DPYSL2: variants seen among roughly 807,000 people sequenced by gnomAD.
DPYSL2 encodes the protein dihydropyrimidinase like 2, also known as dihydropyrimidinase-related protein 2.
A neutral mutation model predicts 69.9 loss-of-function variants in DPYSL2; 13 were observed. The ratio of observed to expected loss-of-function variants is 0.19; its 90% CI spans 0.12 to 0.30. The LOEUF (loss-of-function observed/expected upper bound fraction) is 0.30, where lower values mean the gene tolerates loss of function less well. Among genes scored for constraint, DPYSL2 ranks in the 10% least tolerant of loss-of-function variants. The pLI is 1.00. For synonymous variants in DPYSL2, 326 were observed against 359.1 expected (o/e 0.91, Z 1.04); for missense variants, 587 against 918.9 (o/e 0.64, Z 4.67).
At chr8:26,523,572 T>C (rs1325705880) in intron 1 of DPYSL2, among the ~76,000 whole-genome samples, 6 of 152,334 alleles carry the variant, frequency 3.9e-5, no homozygotes, top group South Asian at 4.1e-4. Context: ...AAAGAGTATG[T>C]GTCTTTTTTT....
intron 1 of DPYSL2, among the ~76,000 whole-genome samples, chr8:26,537,598 A>T (rs898805607): frequency 1.4e-5 from 2 of 140,464 alleles, no homozygotes; most frequent in Admixed American, 1.4e-4. Flanking sequence ...TGACCTTACT[A>T]TCATTCTCTC....
chr8:26,615,698 T>C (rs1026626755), intron 3 of DPYSL2, among the ~76,000 whole-genome samples: 1 of 152,192 alleles, frequency 6.6e-6, no homozygotes, highest in African/African-American at 2.4e-5. Context: ...GTGCCTCTTA[T>C]AGCTTACAAA....
chr8:26,562,546 A>G lies in DPYSL2; in HGVS notation c.355-19423A>G, dbSNP rs1801090014. On this transcript the variant is annotated intron_variant, in intron 1 of 13. Coordinates refer to ENST00000521913, the MANE Select transcript of DPYSL2 (RefSeq NM_001197293.3). This position sits in a 1 kb window ranked among gnomAD's most constrained non-coding sequence, Gnocchi z 4.9. ...TATTGGTCAGATTTTGTTGTTCCCGATTAGAATGCTTAAATGGTTTCGTTT... is the reference window on the plus strand; with the variant it reads ...TATTGGTCAGATTTTGTTGTTCCCGGTTAGAATGCTTAAATGGTTTCGTTT... Among the ~76,000 whole-genome samples, 1 of 152,164 alleles carries G rather than the reference A, an allele frequency of 6.6e-6. No individual in the cohort carries two copies. The highest frequency in any genetic ancestry group is 6.5e-5 in the Admixed American group (1 of 15,278).
In DPYSL2 at chr8:26,653,147, A is replaced by G; in HGVS notation, c.1777-85A>G. 1 of 1,484,372 alleles carries G rather than the reference A, an allele frequency of 6.7e-7. No homozygotes were observed. Among genetic ancestry groups the G allele is most frequent in the Non-Finnish European group, 9.1e-7 (1 of 1,096,774 alleles). The allele number at this position is 1,484,372 out of a possible 1,614,324, so 92.0% of individuals were successfully genotyped here. A position where few individuals can be genotyped will look rare whatever the true frequency, so the allele number is the denominator to read the frequency against. ...AGAGCCCTCCATCCCTAGATCTCAC[A>G]GGCCCATCCTCCCTCCAGGAGGGTT... On this transcript the variant is annotated intron_variant, in intron 12 of 13. Transcript: ENST00000521913. The surrounding 1 kb of genome is among the most constrained non-coding windows in gnomAD (Gnocchi z 5.7).
chr8:26,595,086 G>T (rs1184656554), intron 3 of DPYSL2, among the ~76,000 whole-genome samples: 1 of 152,020 alleles, frequency 6.6e-6, no homozygotes, highest in Non-Finnish European at 1.5e-5. Context: ...AGCTGGGCGT[G>T]GTGACACATA....
At position 26,614,988 on chromosome 8, in the gene DPYSL2, G is replaced by A. The variant is rs1210274328; in HGVS notation, c.629-9155G>A. Among the ~76,000 whole-genome samples the A allele has an allele frequency of 6.6e-6, 1 of 152,236 alleles. No homozygotes were observed. Among genetic ancestry groups the A allele is most frequent in the African/African-American group, 2.4e-5 (1 of 41,472 alleles). Reference sequence around the variant, plus strand: ...CTGGGGTCAGATTCCAGCTCTGCCAGTCAGTGGCTGCACTGGCCAAGGCCA... The same window carrying A: ...CTGGGGTCAGATTCCAGCTCTGCCAATCAGTGGCTGCACTGGCCAAGGCCA... On this transcript the variant is annotated intron_variant, in intron 3 of 13. Coordinates refer to ENST00000521913, the MANE Select transcript of DPYSL2 (RefSeq NM_001197293.3). The surrounding 1 kb of genome is among the most constrained non-coding windows in gnomAD (Gnocchi z 4.9).
intron 1 of DPYSL2, among the ~76,000 whole-genome samples, chr8:26,561,693 G>A (rs1801073638): frequency 6.6e-6 from 1 of 152,128 alleles, no homozygotes; most frequent in Non-Finnish European, 1.5e-5. Flanking sequence ...CATGGTTTTG[G>A]GATGAAACTG....
chr8:26,516,330 T>TTC lies in DPYSL2; in HGVS notation c.354+1651_354+1652insTC, dbSNP rs1808290138. ...TGTGTGAAACACTTCCCTGTGTGAG[T>TTC]ACATTGAGTGAGGGCCAAAATCATA... On this transcript the variant is annotated intron_variant, in intron 1 of 13. Transcript: ENST00000521913. The surrounding 1 kb of genome is among the most constrained non-coding windows in gnomAD (Gnocchi z 4.8). Among the ~76,000 whole-genome samples the TTC allele has an allele frequency of 6.6e-6, 1 of 152,194 alleles. No homozygotes were observed. The highest frequency in any genetic ancestry group is 1.9e-4 in the East Asian group (1 of 5,200).
chr8:26,547,091 G>A (rs538381352), intron 1 of DPYSL2, among the ~76,000 whole-genome samples: 6 of 152,076 alleles, frequency 3.9e-5, no homozygotes, highest in East Asian at 1.9e-4. Flanking sequence ...GGCCAGGAGC[G>A]GTGGCTCATG....
At chr8:26,634,375 C>G (rs1339736529) in intron 7 of DPYSL2, among the ~76,000 whole-genome samples, 2 of 149,718 alleles carry the variant, frequency 1.3e-5, no homozygotes, top group Admixed American at 1.3e-4. Flanking sequence ...AGTGATTCTC[C>G]TGCCTTATAC....
At chr8:26,570,398 T>C (rs989409761) in intron 1 of DPYSL2, among the ~76,000 whole-genome samples, 12 of 152,122 alleles carry the variant, frequency 7.9e-5, no homozygotes, top group African/African-American at 2.9e-4. Context: ...GCCTACCTCT[T>C]GCACAAGGTG....
At position 26,591,476 on chromosome 8, in the gene DPYSL2, C is replaced by T. The variant is rs1385375125; in HGVS notation, c.628+7493C>T. ...GGCAGAGACTTCTGAGGACAGCGAT[C>T]GTGGCCTCTCCATTTTCCTAAGGCC... On this transcript the variant is annotated intron_variant, in intron 3 of 13. Transcript: ENST00000521913. The surrounding 1 kb of genome is among the most constrained non-coding windows in gnomAD (Gnocchi z 5.8). Among the ~76,000 whole-genome samples, 2 of 152,204 alleles carry T rather than the reference C, an allele frequency of 1.3e-5. No individual in the cohort carries two copies. The highest frequency in any genetic ancestry group is 3.9e-4 in the East Asian group (2 of 5,188).
Position 26,634,842 on chromosome 8 carries a change from T to C in DPYSL2, c.1068T>C (p.Tyr356=). Residue 356 remains tyrosine (Y), a synonymous_variant, in exon 8 of 14, where the codon TAT becomes TAC. Coordinates refer to ENST00000521913, the MANE Select transcript of DPYSL2 (RefSeq NM_001197293.3). ...TIANQTNCPL[Y]ITKVMSKSSA... is the part of the protein sequence containing the mutation. Reference sequence around the variant, plus strand: ...CCAACCAGACCAACTGCCCGCTGTATATCACCAAGGTGATGAGCAAAAGCT... The same window carrying C: ...CCAACCAGACCAACTGCCCGCTGTACATCACCAAGGTGATGAGCAAAAGCT... 1 of 1,614,250 alleles carries C rather than the reference T, an allele frequency of 6.2e-7. No individual in the cohort carries two copies. The highest frequency in any genetic ancestry group is 1.1e-5 in the South Asian group (1 of 91,084).
In DPYSL2 at chr8:26,597,786, T is replaced by TC. The variant is rs935468871; in HGVS notation, c.628+13803_628+13804insC. Among the ~76,000 whole-genome samples the TC allele has an allele frequency of 1.3e-5, 2 of 151,720 alleles. No homozygotes were observed. Among genetic ancestry groups the TC allele is most frequent in the African/African-American group, 4.8e-5 (2 of 41,342 alleles). On this transcript the variant is annotated intron_variant, in intron 3 of 13. Coordinates refer to ENST00000521913, the MANE Select transcript of DPYSL2 (RefSeq NM_001197293.3). The surrounding 1 kb of genome is among the most constrained non-coding windows in gnomAD (Gnocchi z 5.2). The stretch of plus-strand genomic sequence containing the variant: ...ACCGCACCTGGCCTCTTTTTTTTTT[T>TC]TTTTTTTTTGAGGGGCAGAGACAAG...
rs1801601018 is a variant in DPYSL2 at position 26,586,258 on chromosome 8, T to A, written c.628+2275T>A. On this transcript the variant is annotated intron_variant, in intron 3 of 13. Transcript: ENST00000521913. This position sits in a 1 kb window ranked among gnomAD's most constrained non-coding sequence, Gnocchi z 4.7. ...CCTTGAGTCACTACCCTACTCTGTG[T>A]TCTAGCTGTGTGTCTCCAGTGAGGG... Among the ~76,000 whole-genome samples the A allele has an allele frequency of 6.6e-6, 1 of 152,194 alleles. No homozygotes were observed. The highest frequency in any genetic ancestry group is 2.1e-4 in the South Asian group (1 of 4,824).
intron 1 of DPYSL2, among the ~76,000 whole-genome samples, chr8:26,527,515 A>G (rs1444525678): frequency 6.6e-6 from 1 of 152,134 alleles, no homozygotes; most frequent in African/African-American, 2.4e-5. Context: ...CACTCTGATA[A>G]CATACATTGG....
intron 7 of DPYSL2, among the ~76,000 whole-genome samples, chr8:26,629,459 TC>T (rs1802693434): frequency 6.6e-6 from 1 of 152,220 alleles, no homozygotes; most frequent in East Asian, 1.9e-4. Flanking sequence ...CATTTTCCTC[TC>T]CCCAGATGAC....
rs1383268089 is a variant in DPYSL2 at position 26,564,362 on chromosome 8, A to G, written c.355-17607A>G. ...CAATCGTGGTGAGGAGCACAGGGCCAGGGAGATGGGAACGGCTGGAGGAGT... is the reference window on the plus strand; with the variant it reads ...CAATCGTGGTGAGGAGCACAGGGCCGGGGAGATGGGAACGGCTGGAGGAGT... On this transcript the variant is annotated intron_variant, in intron 1 of 13. Coordinates refer to ENST00000521913, the MANE Select transcript of DPYSL2 (RefSeq NM_001197293.3). The surrounding 1 kb of genome is among the most constrained non-coding windows in gnomAD (Gnocchi z 4.8). 6.6e-6 allele frequency among the ~76,000 whole-genome samples: 1 copy of G among 152,156 alleles called. No individual in the cohort carries two copies. Among genetic ancestry groups the G allele is most frequent in the Non-Finnish European group, 1.5e-5 (1 of 68,042 alleles).
chr8:26,581,950 T>A lies in DPYSL2; in HGVS notation c.355-19T>A. On this transcript the variant is annotated intron_variant, in intron 1 of 13. Coordinates refer to ENST00000521913, the MANE Select transcript of DPYSL2 (RefSeq NM_001197293.3). The stretch of plus-strand genomic sequence containing the variant: ...ATAGGTCAGTTACGCGTTGTGACCT[T>A]ACTGCCTCTTTGTTTCAGAGCGATC... 2 of 1,605,574 alleles carry A rather than the reference T, an allele frequency of 1.2e-6. No homozygotes were observed. The highest frequency in any genetic ancestry group is 1.7e-6 in the Non-Finnish European group (2 of 1,172,398).
Sources: gnomAD v4.1 joint callset for allele counts (sites outside exome capture counted in the v4.1 genomes callset) on GRCh38, gnomAD v4.1.1 for gene constraint, Gnocchi (gnomAD v3.1) non-coding constraint, MANE v1.5 for transcripts, NCBI Gene and HGNC (gene_info 2026-07-23, HGNC 2026-07-21) for gene names.